Variants in PKLR observed in about 807,000 individuals in gnomAD.
PKLR encodes the protein pyruvate kinase PKLR.
PKLR carries 38 observed loss-of-function variants against 53.6 expected under a neutral mutation model. The observed-to-expected ratio is 0.71, with a 90% CI of 0.55 to 0.93. The LOEUF is 0.93. Ranked by LOEUF, PKLR falls within the 40% of genes least tolerant of loss-of-function variation. The pLI, the probability that PKLR is intolerant of heterozygous loss-of-function variation, is 0.00. For synonymous variants in PKLR, 328 were observed against 316.2 expected (o/e 1.04, Z -0.39); for missense variants, 702 against 787.3 (o/e 0.89, Z 1.30).
intron 2 of PKLR, among the ~76,000 whole-genome samples, chr1:155,298,325 C>T (rs940888182): frequency 2.1e-4 from 32 of 151,086 alleles, no homozygotes; most frequent in African/African-American, 7.8e-4. Context: ...TGAAACACCA[C>T]GCCTGGCCTT....
At chr1:155,296,851 A>T (rs1320051487) in intron 2 of PKLR, among the ~76,000 whole-genome samples, 1 of 151,216 alleles carries the variant, frequency 6.6e-6, no homozygotes, top group Non-Finnish European at 1.5e-5. Flanking sequence ...CACCCCACTC[A>T]GGCGTTGGCC....
At chr1:155,292,599 T>C (rs1647267696) in intron 9 of PKLR, among the ~76,000 whole-genome samples, 1 of 152,104 alleles carries the variant, frequency 6.6e-6, no homozygotes, top group African/African-American at 2.4e-5. Context: ...ATTGCACCAT[T>C]TTACTCCAGC....
chr1:155,294,614 T>A lies in PKLR; in HGVS notation c.833A>T (p.His278Leu). 1 of 1,614,186 alleles carries A rather than the reference T, an allele frequency of 6.2e-7. No individual in the cohort carries two copies. Among genetic ancestry groups the A allele is most frequent in the Non-Finnish European group, 8.5e-7 (1 of 1,180,028 alleles). The change falls in exon 6 of 11, where the codon CAT becomes CTT. Residue 278 changes from histidine to leucine, a missense_variant. Physicochemically the swap from His to Leu is moderately conservative, Grantham distance 99 (BLOSUM62 -3). Coordinates refer to ENST00000342741, the MANE Select transcript of PKLR (RefSeq NM_000298.6). The part of the protein sequence containing the change: ...DVRDLRFGVE[H>L]GVDIVFASFV... ...GGAGGCAAAGACGATGTCCACCCCATGCTCCACCCCGAAGCGCAGGTCTCG... is the reference window on the plus strand; with the variant it reads ...GGAGGCAAAGACGATGTCCACCCCAAGCTCCACCCCGAAGCGCAGGTCTCG...
At chr1:155,291,687 A>T in intron 10 of PKLR, 69 bp downstream of exon 10, 9 of 1,394,118 alleles carry the variant, frequency 6.5e-6, no homozygotes, top group South Asian at 2.3e-5. Flanking sequence ...TTGAGTGGGT[A>T]TGGGAAGCTG....
upstream of PKLR, among the ~76,000 whole-genome samples, chr1:155,303,308 T>C (rs1648133280): frequency 1.3e-5 from 2 of 152,238 alleles, no homozygotes; most frequent in Non-Finnish European, 2.9e-5. Context: ...CAGCTGATAC[T>C]AACTGGTGGG....
the PKLR span, among the ~76,000 whole-genome samples, chr1:155,307,903 A>ACGTAG: frequency 1.3e-5 from 2 of 152,144 alleles, no homozygotes; most frequent in South Asian, 4.2e-4. Context: ...GCAGCCTCCC[A>ACGTAG]CGTAGCTGGA....
At chr1:155,299,928 C>T (rs375744038) in intron 2 of PKLR, among the ~76,000 whole-genome samples, 170 bp downstream of exon 2, 21 of 152,256 alleles carry the variant, frequency 1.4e-4, no homozygotes, top group African/African-American at 5.1e-4. Context: ...GTTTTTTTCA[C>T]TGATCTACTC....
Position 155,294,505 on chromosome 1 carries a change from A to G in PKLR, c.942T>C (p.Ile314=). The change falls in exon 6 of 11, where the codon ATT becomes ATC. Residue 314 remains isoleucine (I), a synonymous_variant. Transcript: ENST00000342741. ...ACCTCTTCACGCCTTCGTGGTTCTC[A>G]ATTTTGCTGATGATCTTGATGCCGT... is the stretch of plus-strand genomic sequence containing the variant. The part of the protein sequence containing the change: ...EGHGIKIISK[I]ENHEGVKRFD... 6.2e-7 allele frequency: 1 copy of G among 1,614,238 alleles called. No individual in the cohort carries two copies. Among genetic ancestry groups the G allele is most frequent in the Non-Finnish European group, 8.5e-7 (1 of 1,180,034 alleles).
the PKLR span, among the ~76,000 whole-genome samples, chr1:155,307,376 G>T: frequency 6.6e-6 from 1 of 152,212 alleles, no homozygotes; most frequent in East Asian, 1.9e-4. Context: ...ACTCCATCTT[G>T]AATAGGGACT....
chr1:155,302,683 CT>C (rs140716334), upstream of PKLR, among the ~76,000 whole-genome samples: 2,959 of 147,642 alleles, frequency 0.02, 38 homozygotes, highest in Admixed American at 0.034. Context: ...TGTTTTCTTT[CT>C]TTTTTTTTTA....
chr1:155,294,745 C>T lies in PKLR; in HGVS notation c.702G>A (p.Glu234=). Reference sequence around the variant, plus strand: ...CGTTCTCCACTTGGGTCACCAGTCCCTCTGGGCCTGCGGACATGGAAAGAG... The same window carrying T: ...CGTTCTCCACTTGGGTCACCAGTCCTTCTGGGCCTGCGGACATGGAAAGAG... ...ISLVVQKIGP[E]GLVTQVENGG... Residue 234 remains glutamate, a synonymous_variant, in exon 6 of 11, where the codon GAG becomes GAA. Coordinates refer to ENST00000342741, the MANE Select transcript of PKLR (RefSeq NM_000298.6). 6.2e-7 allele frequency: 1 copy of T among 1,613,974 alleles called. No individual in the cohort carries two copies. The highest frequency in any genetic ancestry group is 8.5e-7 in the Non-Finnish European group (1 of 1,180,032).
At chr1:155,302,599 C>T (rs540631389), upstream of PKLR, among the ~76,000 whole-genome samples, 1 of 152,148 alleles carries the variant, frequency 6.6e-6, no homozygotes, top group Admixed American at 6.5e-5. Flanking sequence ...TCTCCAACTC[C>T]TGGCCTCAAG....
chr1:155,296,625 G>A (rs1388787136), intron 2 of PKLR, among the ~76,000 whole-genome samples: 1 of 152,018 alleles, frequency 6.6e-6, no homozygotes, highest in Non-Finnish European at 1.5e-5. Context: ...GATTACAGGT[G>A]TGAGTCACCG....
rs1469373544 is a variant in PKLR at position 155,295,180 on chromosome 1, GAC to G, written c.628_629del (p.Val210ArgfsTer10). 5.6e-6 allele frequency: 9 copies of G among 1,614,122 alleles called. No individual in the cohort carries two copies. Among genetic ancestry groups the G allele is most frequent in the Non-Finnish European group, 6.8e-6 (8 of 1,179,984 alleles). On this transcript the variant is annotated frameshift_variant, in exon 5 of 11. Transcript: ENST00000342741. LOFTEE classifies it high-confidence loss of function. The surrounding 1 kb of genome is among the most constrained non-coding windows in gnomAD (Gnocchi z 4.3). ...VWVDYPNIVR[V>X]VPVGGRIYID... ...TGTAGATGCGGCCCCCCACCGGCACGACCCGGACAATATTGGGGTAGTCCACC... is the reference window on the plus strand; with the variant it reads ...TGTAGATGCGGCCCCCCACCGGCACGCCGGACAATATTGGGGTAGTCCACC...
At chr1:155,304,882 G>C (rs987394821), upstream of PKLR, among the ~76,000 whole-genome samples, 3 of 152,178 alleles carry the variant, frequency 2.0e-5, no homozygotes, top group African/African-American at 7.2e-5. Flanking sequence ...TGACAACCTA[G>C]AAAGAAGGTA....
At chr1:155,302,680 T>C (rs964576513), upstream of PKLR, among the ~76,000 whole-genome samples, 1 of 151,416 alleles carries the variant, frequency 6.6e-6, no homozygotes, top group African/African-American at 2.4e-5. Context: ...CCTTGTTTTC[T>C]TTCTTTTTTT....
At chr1:155,305,796 AT>A (rs35024216), upstream of PKLR, among the ~76,000 whole-genome samples, 3,743 of 133,268 alleles carry the variant, frequency 0.028, 41 homozygotes, top group African/African-American at 0.035. Context: ...TGCCCAGCTA[AT>A]TTTTTTTTTT....
chr1:155,293,511 G>GC lies in PKLR; in HGVS notation c.1195dup (p.Ala399GlyfsTer2). On this transcript the variant is annotated frameshift_variant, in exon 8 of 11. Coordinates refer to ENST00000342741, the MANE Select transcript of PKLR (RefSeq NM_000298.6). LOFTEE classifies it high-confidence loss of function. This position sits in a 1 kb window ranked among gnomAD's most constrained non-coding sequence, Gnocchi z 4.2. ...CTCCCCTGACAGCATGATGCAGTCA[G>GC]CCCCATCCAGCACAGCATTGGCGAC... The GC allele has an allele frequency of 6.2e-7, 1 of 1,614,212 alleles. No individual in the cohort carries two copies. The highest frequency in any genetic ancestry group is 8.5e-7 in the Non-Finnish European group (1 of 1,180,032).
intron 2 of PKLR, 35 bp downstream of exon 2, chr1:155,300,063 G>T: frequency 1.3e-6 from 2 of 1,573,586 alleles, no homozygotes; most frequent in Non-Finnish European, 8.7e-7. Flanking sequence ...ATACCAATAG[G>T]CCCTGTGTGG....
Sources: gnomAD v4.1 joint callset for allele counts (sites outside exome capture counted in the v4.1 genomes callset) on GRCh38, gnomAD v4.1.1 for gene constraint, Gnocchi (gnomAD v3.1) non-coding constraint, MANE v1.5 for transcripts, NCBI Gene and HGNC (gene_info 2026-07-23, HGNC 2026-07-21) for gene names.